Variants in FILIP1L observed in about 807,000 individuals in gnomAD.
FILIP1L encodes the protein filamin A-interacting protein 1-like.
FILIP1L carries 55 observed loss-of-function variants against 96.6 expected under a neutral mutation model. The observed-to-expected ratio is 0.57, with a 90% CI of 0.46 to 0.71. The LOEUF is 0.71. FILIP1L is among the 30% of genes least tolerant of loss of function. The pLI, the probability that FILIP1L is intolerant of heterozygous loss-of-function variation, is 0.00. For missense variants in FILIP1L, 1,304 were observed against 1,321.2 expected (o/e 0.99, Z 0.20); for synonymous variants, 467 against 473.9 (o/e 0.99, Z 0.19).
At chr3:100,031,363 C>G (rs1425356218) in intron 1 of FILIP1L, among the ~76,000 whole-genome samples, 3 of 151,980 alleles carry the variant, frequency 2.0e-5, no homozygotes, top group Non-Finnish European at 4.4e-5. Context: ...TCCAAAGTTC[C>G]TGTTACCCTC....
intron 1 of FILIP1L, among the ~76,000 whole-genome samples, chr3:99,985,675 G>A (rs1038541678): frequency 6.6e-6 from 1 of 151,200 alleles, no homozygotes; most frequent in East Asian, 1.9e-4. Context: ...TGCAACCTCC[G>A]TCTCCTGGGT....
chr3:99,959,808 G>A (rs928432892), intron 1 of FILIP1L, among the ~76,000 whole-genome samples: 1 of 152,198 alleles, frequency 6.6e-6, no homozygotes, highest in African/African-American at 2.4e-5. Flanking sequence ...TTGTACTAAT[G>A]TAATTTTTTT....
At chr3:100,055,684 C>T (rs1022036621) in intron 1 of FILIP1L, among the ~76,000 whole-genome samples, 1 of 152,110 alleles carries the variant, frequency 6.6e-6, no homozygotes, top group Admixed American at 6.5e-5. Context: ...CTTCCTTTCC[C>T]TGTTCTTTAG....
intron 4 of FILIP1L, among the ~76,000 whole-genome samples, chr3:99,858,007 T>G (rs1029680218): frequency 6.6e-6 from 1 of 152,154 alleles, no homozygotes; most frequent in African/African-American, 2.4e-5. Flanking sequence ...AAAAAGGAGA[T>G]AGTTCCAGCA....
At chr3:99,907,822 A>T (rs1010327281) in intron 4 of FILIP1L, among the ~76,000 whole-genome samples, 1 of 152,174 alleles carries the variant, frequency 6.6e-6, no homozygotes, top group African/African-American at 2.4e-5. Context: ...AGATCAAGCC[A>T]TTCCTGATCC....
rs562319043 is a variant in FILIP1L, at chr3:99,878,306, T to C, written c.606-27236A>G. ...TACTTAGTGCTCTACAAGCATTTCATCATTTAATCTTCACAACACATTTTG... is the reference window on the plus strand; with the variant it reads ...TACTTAGTGCTCTACAAGCATTTCACCATTTAATCTTCACAACACATTTTG... On this transcript the variant is annotated intron_variant, in intron 4 of 5. Transcript: ENST00000477258. Among the ~76,000 whole-genome samples, 285 of 152,354 alleles carry C rather than the reference T, an allele frequency of 1.9e-3. 1 individual carries two copies. The highest frequency in any genetic ancestry group is 6.6e-3 in the African/African-American group (274 of 41,580).
chr3:99,903,758 A>G (rs1489283065), intron 4 of FILIP1L, among the ~76,000 whole-genome samples: 1 of 152,144 alleles, frequency 6.6e-6, no homozygotes, highest in African/African-American at 2.4e-5. Flanking sequence ...TGGATCAGTG[A>G]CGTGGCCCCC....
intron 1 of FILIP1L, among the ~76,000 whole-genome samples, chr3:99,981,261 C>T (rs1041687873): frequency 2.0e-5 from 3 of 152,162 alleles, no homozygotes; most frequent in Non-Finnish European, 4.4e-5. Context: ...AAACTTGTCC[C>T]TGGCCTCCTG....
chr3:99,949,893 T>C (rs1034116192), intron 1 of FILIP1L, among the ~76,000 whole-genome samples: 1 of 152,174 alleles, frequency 6.6e-6, no homozygotes, highest in African/African-American at 2.4e-5. Flanking sequence ...TAATCAGCTG[T>C]GTGTGTGTTA....
chr3:100,098,897 C>A (rs921177837), intron 1 of FILIP1L, among the ~76,000 whole-genome samples: 1 of 152,114 alleles, frequency 6.6e-6, no homozygotes, highest in African/African-American at 2.4e-5. Context: ...TGATTCATTG[C>A]CTGGAACTAG....
intron 1 of FILIP1L, among the ~76,000 whole-genome samples, chr3:99,957,693 C>CTTTCTTTTTTTTTTTTTTTTTT (rs1708364770): frequency 5.0e-5 from 1 of 19,894 alleles, no homozygotes; most frequent in African/African-American, 1.7e-4. Context: ...TTCTTTCTTT[C>CTTTCTTTTTTTTTTTTTTTTTT]TTTTTTTTTT....
intron 1 of FILIP1L, among the ~76,000 whole-genome samples, chr3:100,093,854 T>C (rs2066156861): frequency 6.6e-6 from 1 of 152,226 alleles, no homozygotes; most frequent in Non-Finnish European, 1.5e-5. Context: ...CACAATTTTC[T>C]GAAGAGTTAT....
intron 1 of FILIP1L, among the ~76,000 whole-genome samples, chr3:99,948,107 G>A (rs1357134436): frequency 6.6e-6 from 1 of 152,158 alleles, no homozygotes; most frequent in East Asian, 1.9e-4. Context: ...TTTTAATGCT[G>A]TCTTATGTCC....
intron 1 of FILIP1L, among the ~76,000 whole-genome samples, chr3:99,961,205 C>T (rs1559704627): frequency 1.3e-5 from 2 of 152,240 alleles, no homozygotes; most frequent in African/African-American, 4.8e-5. Flanking sequence ...GGAGGTGGTG[C>T]GGAGAATGCC....
chr3:99,981,121 C>T (rs571536876), intron 1 of FILIP1L, among the ~76,000 whole-genome samples: 65 of 152,250 alleles, frequency 4.3e-4, no homozygotes, highest in South Asian at 3.1e-3. Flanking sequence ...ACACTCTGTC[C>T]GAGCATTGTG....
At chr3:99,910,938 A>T (rs1289070229) in intron 4 of FILIP1L, among the ~76,000 whole-genome samples, 2 of 152,170 alleles carry the variant, frequency 1.3e-5, no homozygotes, top group South Asian at 2.1e-4. Context: ...GGATGAAGAG[A>T]TGGAGACTGG....
chr3:99,894,387 A>G (rs1706184656), intron 4 of FILIP1L, among the ~76,000 whole-genome samples: 1 of 152,158 alleles, frequency 6.6e-6, no homozygotes, highest in Non-Finnish European at 1.5e-5. Flanking sequence ...CCAGAGGTGG[A>G]TTCACTGGCC....
At chr3:100,088,789 C>T (rs1002249453) in intron 1 of FILIP1L, among the ~76,000 whole-genome samples, 3 of 152,078 alleles carry the variant, frequency 2.0e-5, no homozygotes, top group South Asian at 2.1e-4. Context: ...ATCTGCCCCA[C>T]TTTTTTGTAT....
intron 1 of FILIP1L, among the ~76,000 whole-genome samples, chr3:100,068,350 CTGTGTG>C (rs62958661): frequency 0.023 from 3,358 of 149,222 alleles, 44 homozygotes; most frequent in Non-Finnish European, 0.027. Context: ...GAAAGAGCCT[CTGTGTG>C]TGTGTGTGTG....
Sources: allele counts gnomAD v4.1 joint callset (sites outside exome capture counted in the v4.1 genomes callset), GRCh38; gene constraint gnomAD v4.1.1; transcripts MANE v1.5; gene names NCBI Gene and HGNC (gene_info 2026-07-23, HGNC 2026-07-21).